Variants in CEP162 observed in about 807,000 individuals in gnomAD.
The protein encoded by CEP162 is centrosomal protein of 162 kDa.
CEP162 carries 141 observed loss-of-function variants against 169.2 expected under a neutral mutation model. The observed-to-expected ratio is 0.83, with a 90% confidence interval of 0.73 to 0.96. The LOEUF (loss-of-function observed/expected upper bound fraction) is 0.96. Ranked by LOEUF, CEP162 falls within the 40% of genes least tolerant of loss-of-function variation. The pLI is 0.00. For synonymous variants in CEP162, 540 were observed against 526.4 expected (o/e 1.03, Z -0.35); for missense variants, 1,600 against 1,587.2 (o/e 1.01, Z -0.14).
At chr6:84,154,324 CT>C (rs1562019929) in intron 22 of CEP162, among the ~76,000 whole-genome samples, 15 of 137,582 alleles carry the variant, frequency 1.1e-4, no homozygotes, top group African/African-American at 4.8e-4. Context: ...ATCTATCTAT[CT>C]ATCTATCTGT....
chr6:84,187,488 G>A (rs4707034), intron 11 of CEP162, among the ~76,000 whole-genome samples: 16,420 of 152,206 alleles, frequency 0.11, 1,151 homozygotes, highest in East Asian at 0.22. Context: ...CATAGCAGCA[G>A]AACCTGGCTA....
At chr6:84,225,129 TCTA>T (rs1304068111) in intron 2 of CEP162, among the ~76,000 whole-genome samples, 2 of 152,208 alleles carry the variant, frequency 1.3e-5, no homozygotes, top group African/African-American at 4.8e-5. Context: ...TCTTGAATGC[TCTA>T]CAAGGCCCCT....
intron 25 of CEP162, among the ~76,000 whole-genome samples, chr6:84,126,955 G>C (rs2099509185): frequency 6.6e-6 from 1 of 152,116 alleles, no homozygotes; most frequent in African/African-American, 2.4e-5. Context: ...AATTCTATTT[G>C]TAATTCTCTA....
chr6:84,136,629 G>T (rs1158376579), intron 25 of CEP162, among the ~76,000 whole-genome samples: 1 of 152,130 alleles, frequency 6.6e-6, no homozygotes, highest in Admixed American at 6.6e-5. Flanking sequence ...AATGTTCCTT[G>T]ACAGCAAGGA....
At chr6:84,178,671 A>T (rs1406746639) in intron 13 of CEP162, among the ~76,000 whole-genome samples, 1 of 151,956 alleles carries the variant, frequency 6.6e-6, no homozygotes, top group Non-Finnish European at 1.5e-5. Context: ...TTCTTTTTTA[A>T]ATTTTTTATT....
chr6:84,133,890 T>C (rs531447569), intron 25 of CEP162, among the ~76,000 whole-genome samples: 1 of 152,316 alleles, frequency 6.6e-6, no homozygotes, highest in South Asian at 2.1e-4. Context: ...CCCAGTGAGA[T>C]GAACCTGGTA....
Position 84,126,463 on chromosome 6 carries a change from G to A in CEP162, c.3920C>T (p.Pro1307Leu). 2 of 1,578,546 alleles carry A rather than the reference G, an allele frequency of 1.3e-6. No homozygotes were observed. The highest frequency in any genetic ancestry group is 1.7e-6 in the Non-Finnish European group (2 of 1,160,106). Residue 1307 changes from proline (P) to leucine (L), a missense_variant, in exon 26 of 27, where the codon CCA becomes CTA. Physicochemically the swap from Pro to Leu is moderately conservative, Grantham distance 98. Coordinates refer to ENST00000403245, the MANE Select transcript of CEP162 (RefSeq NM_014895.4). Reference protein sequence around the residue: ...ELREAKENHTPEMKHFVGLEK... With the variant: ...ELREAKENHTLEMKHFVGLEK... Reference sequence around the variant, plus strand: ...TAAGCCCACGAAATGTTTCATCTCTGGTGTATGGTTTTCTTTGGCTTCTCT... The same window carrying A: ...TAAGCCCACGAAATGTTTCATCTCTAGTGTATGGTTTTCTTTGGCTTCTCT...
intron 18 of CEP162, among the ~76,000 whole-genome samples, chr6:84,168,676 T>C (rs1238973502): frequency 6.6e-6 from 1 of 152,180 alleles, no homozygotes; most frequent in African/African-American, 2.4e-5. Context: ...AATCATGCAG[T>C]GCATGAATTA....
At chr6:84,188,886 A>G (rs1422182184) in intron 11 of CEP162, among the ~76,000 whole-genome samples, 1 of 151,972 alleles carries the variant, frequency 6.6e-6, no homozygotes, top group Non-Finnish European at 1.5e-5. Flanking sequence ...TGCAACCAGC[A>G]TATTTTTTTT....
intron 11 of CEP162, 133 bp from the exon 12 acceptor site, chr6:84,186,756 A>G: frequency 1.4e-6 from 1 of 705,064 alleles, no homozygotes; most frequent in South Asian, 2.1e-5. Flanking sequence ...TAAGTTAATG[A>G]TGTTAAATAC....
intron 25 of CEP162, among the ~76,000 whole-genome samples, chr6:84,128,658 T>A (rs2099509927): frequency 1.3e-5 from 2 of 152,136 alleles, no homozygotes; most frequent in South Asian, 4.1e-4. Context: ...AAATAAGGTA[T>A]ATAAAACACT....
chr6:84,176,666 G>A (rs1189175781), intron 13 of CEP162, among the ~76,000 whole-genome samples: 3 of 152,136 alleles, frequency 2.0e-5, no homozygotes. Context: ...TTTTTGGATT[G>A]GAGATGCTAA....
intron 15 of CEP162, 70 bp from the exon 16 acceptor site, chr6:84,174,258 C>A: frequency 1.7e-6 from 2 of 1,199,292 alleles, no homozygotes; most frequent in Non-Finnish European, 2.4e-6. Context: ...GAAAGAATAA[C>A]AGGAAACTCC....
At chr6:84,226,484 G>T in intron 1 of CEP162, 32 bp from the exon 2 acceptor site, 1 of 933,912 alleles carries the variant, frequency 1.1e-6, no homozygotes, top group Non-Finnish European at 1.7e-6. Context: ...CATCTTTTGA[G>T]GAAATCCATC....
chr6:84,207,950 T>G (rs2099547917), intron 6 of CEP162, among the ~76,000 whole-genome samples: 1 of 151,702 alleles, frequency 6.6e-6, no homozygotes, highest in South Asian at 2.1e-4. Flanking sequence ...TGCTTACTTA[T>G]AAAAGGAAGG....
At chr6:84,217,833 G>A (rs1371845172) in intron 3 of CEP162, 1 of 152,182 alleles carries the variant, frequency 6.6e-6, no homozygotes, top group Non-Finnish European at 1.5e-5. Flanking sequence ...GAGGAATGAG[G>A]AGGAATAACC....
intron 5 of CEP162, among the ~76,000 whole-genome samples, chr6:84,215,032 G>A (rs1221610057): frequency 6.6e-6 from 1 of 152,092 alleles, no homozygotes; most frequent in Non-Finnish European, 1.5e-5. Flanking sequence ...GGACTTCTTG[G>A]CAATGTACTA....
intron 25 of CEP162, among the ~76,000 whole-genome samples, chr6:84,144,694 C>T (rs574084320): frequency 4.6e-5 from 7 of 152,128 alleles, no homozygotes; most frequent in African/African-American, 1.7e-4. Context: ...AACCCAACAT[C>T]AAGCAGAACA....
At chr6:84,142,754 G>C (rs1464009870) in intron 25 of CEP162, among the ~76,000 whole-genome samples, 1 of 152,038 alleles carries the variant, frequency 6.6e-6, no homozygotes, top group East Asian at 1.9e-4. Context: ...AAAGACCTAG[G>C]AGTTCATCCC....
Sources: allele counts gnomAD v4.1 joint callset (sites outside exome capture counted in the v4.1 genomes callset), GRCh38; gene constraint gnomAD v4.1.1; transcripts MANE v1.5; gene names NCBI Gene and HGNC (gene_info 2026-07-23, HGNC 2026-07-21).